Variants in METTL25 observed in about 807,000 individuals in gnomAD.
The protein encoded by METTL25 is probable methyltransferase-like protein 25.
A neutral mutation model predicts 71.6 loss-of-function variants in METTL25; 64 were observed. That is an observed-to-expected ratio of 0.89 (90% CI 0.73 to 1.10). The LOEUF (loss-of-function observed/expected upper bound fraction) is 1.10. Among genes scored for constraint, METTL25 ranks in the 50% least tolerant of loss-of-function variants. The pLI is 0.00. For missense variants in METTL25, 807 were observed against 707.0 expected, an observed-to-expected ratio of 1.14 and a Z score of -1.60; for synonymous variants, 287 against 250.3, an observed-to-expected ratio of 1.15 and a Z score of -1.38.
At chr12:82,464,657 T>G (rs1892113574) in intron 9 of METTL25, among the ~76,000 whole-genome samples, 1 of 151,926 alleles carries the variant, frequency 6.6e-6, no homozygotes, top group Non-Finnish European at 1.5e-5. Flanking sequence ...AGAATGTCAT[T>G]GGTATTTTGA....
At chr12:82,442,413 T>C (rs536622833) in intron 8 of METTL25, among the ~76,000 whole-genome samples, 98 of 152,268 alleles carry the variant, frequency 6.4e-4, no homozygotes, top group Non-Finnish European at 1.1e-3. Flanking sequence ...AAAAGTATTG[T>C]GGATACACAC....
intron 5 of METTL25, among the ~76,000 whole-genome samples, chr12:82,426,424 G>A (rs533945039): frequency 2.6e-5 from 4 of 152,108 alleles, no homozygotes; most frequent in African/African-American, 4.8e-5. Context: ...AACTGCAGTC[G>A]TATCTTAAAG....
At chr12:82,369,412 A>C (rs913054375) in intron 1 of METTL25, 1 of 435,300 alleles carries the variant, frequency 2.3e-6, no homozygotes, top group Non-Finnish European at 4.6e-6. Flanking sequence ...GCTGACTTCA[A>C]GAATGAAGCC....
intron 9 of METTL25, among the ~76,000 whole-genome samples, chr12:82,469,440 A>C (rs1367512039): frequency 1.3e-5 from 2 of 152,000 alleles, no homozygotes; most frequent in Non-Finnish European, 2.9e-5. Context: ...CCCCAATAGG[A>C]AGGAGAAGAA....
At chr12:82,389,687 C>A (rs915372086) in intron 2 of METTL25, 129 bp from the exon 3 acceptor site, 1 of 549,088 alleles carries the variant, frequency 1.8e-6, no homozygotes, top group Non-Finnish European at 3.3e-6. Flanking sequence ...TAGTAGAGAT[C>A]TATCCAGAAA....
At chr12:82,437,451 A>G (rs532442082) in intron 7 of METTL25, among the ~76,000 whole-genome samples, 1 of 151,742 alleles carries the variant, frequency 6.6e-6, no homozygotes, top group African/African-American at 2.4e-5. Context: ...GGGCAGTGCC[A>G]TCAGGGGAAG....
At chr12:82,414,012 A>G (rs1423957108) in intron 5 of METTL25, among the ~76,000 whole-genome samples, 3 of 151,544 alleles carry the variant, frequency 2.0e-5, no homozygotes, top group African/African-American at 7.3e-5. Flanking sequence ...TTTCTTAACT[A>G]TATTAATATT....
chr12:82,369,933 C>A (rs760238758), intron 1 of METTL25, among the ~76,000 whole-genome samples: 7 of 152,074 alleles, frequency 4.6e-5, no homozygotes, highest in Non-Finnish European at 8.8e-5. Context: ...GGTGCGTTTA[C>A]AATCCTTTAC....
chr12:82,464,581 C>T (rs1023082112), intron 9 of METTL25, among the ~76,000 whole-genome samples: 1 of 151,784 alleles, frequency 6.6e-6, no homozygotes, highest in Admixed American at 6.6e-5. Flanking sequence ...TTCAAGATTG[C>T]TTTGGCTATT....
intron 5 of METTL25, among the ~76,000 whole-genome samples, chr12:82,424,801 A>G (rs1027800080): frequency 1.3e-5 from 2 of 152,076 alleles, no homozygotes; most frequent in Non-Finnish European, 2.9e-5. Context: ...GAGTGCACAC[A>G]GAGAGACACA....
chr12:82,370,089 G>T (rs925272468), intron 1 of METTL25, among the ~76,000 whole-genome samples: 1 of 152,106 alleles, frequency 6.6e-6, no homozygotes, highest in Non-Finnish European at 1.5e-5. Context: ...GTTGGGAATC[G>T]GCCAGTGACT....
intron 1 of METTL25, among the ~76,000 whole-genome samples, chr12:82,370,771 T>A (rs1397853918): frequency 6.6e-6 from 1 of 152,190 alleles, no homozygotes; most frequent in Non-Finnish European, 1.5e-5. Context: ...TCCCTCTTTG[T>A]CTCTTCCTCC....
chr12:82,395,539 T>A (rs1253004033), intron 3 of METTL25, among the ~76,000 whole-genome samples: 1 of 152,102 alleles, frequency 6.6e-6, no homozygotes, highest in Non-Finnish European at 1.5e-5. Context: ...CCTGGAGGTA[T>A]GTTACAAATT....
In METTL25 at chr12:82,456,731, C is replaced by G; in HGVS notation, c.1483C>G (p.Arg495Gly). 6.3e-7 allele frequency: 1 copy of G among 1,581,518 alleles called. No individual in the cohort carries two copies. Among genetic ancestry groups the G allele is most frequent in the Non-Finnish European group, 8.6e-7 (1 of 1,162,404 alleles). The stretch of plus-strand genomic sequence containing the variant: ...TTATTCAATTTTGTTTTACAGTGAT[C>G]GGCATGTTGGTAAAATTTATTCCAA... The part of the protein sequence containing the change: ...KDCYGITKCD[R>G]HVGKIYSKCS... The change falls in exon 9 of 12, where the codon CGG becomes GGG. Residue 495 changes from arginine (R) to glycine (G), a missense_variant. Coordinates refer to ENST00000248306, the MANE Select transcript of METTL25 (RefSeq NM_032230.3).
intron 5 of METTL25, among the ~76,000 whole-genome samples, chr12:82,424,392 G>T (rs983147656): frequency 1.0e-3 from 152 of 152,012 alleles, no homozygotes; most frequent in Non-Finnish European, 1.8e-3. Flanking sequence ...GTTGTGGGGT[G>T]GGGGAAGGGG....
Position 82,456,804 on chromosome 12 carries a change from G to T in METTL25, c.1556G>T (p.Gly519Val). 1 of 1,585,870 alleles carries T rather than the reference G, an allele frequency of 6.3e-7. No homozygotes were observed. ...DYVRRSLKKL[G>V]LDESKLPEKI... is the part of the protein sequence containing the mutation. ...GTCAGACGGTCTCTAAAGAAGCTTGGATTAGATGAGTCCAAGGTCAGTATA... is the reference window on the plus strand; with the variant it reads ...GTCAGACGGTCTCTAAAGAAGCTTGTATTAGATGAGTCCAAGGTCAGTATA... Residue 519 changes from glycine to valine, a missense_variant, in exon 9 of 12, where the codon GGA (glycine) becomes GTA (valine). Gly to Val is a moderately radical substitution (Grantham distance 109, BLOSUM62 -3). Coordinates refer to ENST00000248306, the MANE Select transcript of METTL25 (RefSeq NM_032230.3).
At chr12:82,441,816 C>CACACACACAT in intron 8 of METTL25, among the ~76,000 whole-genome samples, 1 of 150,300 alleles carries the variant, frequency 6.7e-6, no homozygotes, top group African/African-American at 2.4e-5. Flanking sequence ...AACACACACA[C>CACACACACAT]ACACACACAC....
chr12:82,394,211 T>A (rs1440611394), intron 3 of METTL25, among the ~76,000 whole-genome samples: 4 of 152,056 alleles, frequency 2.6e-5, no homozygotes, highest in Non-Finnish European at 4.4e-5. Context: ...GTCCATTTGG[T>A]CCATAGTGCA....
chr12:82,425,241 A>T (rs372210459), intron 5 of METTL25, among the ~76,000 whole-genome samples: 48 of 152,206 alleles, frequency 3.2e-4, no homozygotes, highest in African/African-American at 1.1e-3. Flanking sequence ...GACCCAGCAG[A>T]TGTGATACTT....
Sources: gnomAD v4.1 joint callset for allele counts (sites outside exome capture counted in the v4.1 genomes callset) on GRCh38, gnomAD v4.1.1 for gene constraint, MANE v1.5 for transcripts, NCBI Gene and HGNC (gene_info 2026-07-23, HGNC 2026-07-21) for gene names.